The following MYO7A variants were observed in gnomAD, a reference collection of about 807,000 sequenced individuals.
The protein encoded by MYO7A is myosin VIIA, also known as unconventional myosin-VIIa.
In MYO7A, 210 loss-of-function variants were observed where a neutral mutation model predicts 263.8. That is an observed-to-expected ratio of 0.80 (90% CI 0.71 to 0.89). The LOEUF is 0.89. Among genes scored for constraint, MYO7A ranks in the 40% least tolerant of loss-of-function variants. MYO7A has a pLI of 0.00. For missense variants in MYO7A, 2,820 were observed against 2,968.3 expected (o/e 0.95, Z 1.16); for synonymous variants, 1,239 against 1,197.3 (o/e 1.03, Z -0.72).
At chr11:77,159,350 C>T (rs1362185743) in intron 9 of MYO7A, 97 bp from the exon 10 acceptor site, 24 of 1,141,032 alleles carry the variant, frequency 2.1e-5, no homozygotes, top group Admixed American at 1.3e-4. Flanking sequence ...GGCAGGACCC[C>T]GGCAGCAGGA....
At chr11:77,131,383 C>T (rs903077183) in intron 2 of MYO7A, among the ~76,000 whole-genome samples, 15 of 152,186 alleles carry the variant, frequency 9.9e-5, no homozygotes, top group Non-Finnish European at 1.5e-4. Context: ...TGAGGCTGCA[C>T]GGACCAGCAT....
chr11:77,162,590 G>C (rs989796594), intron 13 of MYO7A, among the ~76,000 whole-genome samples: 7 of 152,166 alleles, frequency 4.6e-5, no homozygotes, highest in African/African-American at 1.7e-4. Flanking sequence ...TCTCAGAGTT[G>C]GGGAGGGGGA....
At position 77,192,282 on chromosome 11, in the gene MYO7A, A is replaced by AGT. The variant is rs1485782253; in HGVS notation, c.4152+6_4152+7dup. On this transcript the variant is annotated splice_donor_region_variant and intron_variant, in intron 31 of 48. Coordinates refer to ENST00000409709, the MANE Select transcript of MYO7A (RefSeq NM_000260.4). ...TGGGGAGTACAGGTGTGAGAAGGTGAGTGGGAGGGAATCTTCCGCCAGGCT... is the reference window on the plus strand; with the variant it reads ...TGGGGAGTACAGGTGTGAGAAGGTGAGTGTGGGAGGGAATCTTCCGCCAGGCT... 6.2e-7 allele frequency: 1 copy of AGT among 1,612,722 alleles called. No individual in the cohort carries two copies. Among genetic ancestry groups the AGT allele is most frequent in the Admixed American group, 1.7e-5 (1 of 60,016 alleles).
intron 17 of MYO7A, 127 bp from the exon 18 acceptor site, chr11:77,175,245 C>A: frequency 1.2e-6 from 1 of 845,036 alleles, no homozygotes; most frequent in Non-Finnish European, 1.9e-6. Flanking sequence ...CAGGACCCAG[C>A]TGAGGTCACA....
At chr11:77,162,354 C>T in intron 13 of MYO7A, 24 bp downstream of exon 13, 1 of 1,548,644 alleles carries the variant, frequency 6.5e-7, no homozygotes, top group Non-Finnish European at 8.7e-7. Flanking sequence ...GCTGCCGCCT[C>T]CCAGGGTCTT....
At chr11:77,136,937 G>T (rs1424957849) in intron 2 of MYO7A, among the ~76,000 whole-genome samples, 1 of 152,162 alleles carries the variant, frequency 6.6e-6, no homozygotes, top group African/African-American at 2.4e-5. Flanking sequence ...ACACCAGGCT[G>T]GGAGCTCTGA....
intron 40 of MYO7A, 66 bp from the exon 41 acceptor site, chr11:77,206,029 AGT>A: frequency 7.9e-7 from 1 of 1,266,012 alleles, no homozygotes; most frequent in East Asian, 2.5e-5. Context: ...TCTGCCTCCA[AGT>A]GTCCCGGTCC....
Position 77,180,360 on chromosome 11 carries a change from C to A in MYO7A, c.2587-14C>A. On this transcript the variant is annotated splice_polypyrimidine_tract_variant and intron_variant, in intron 21 of 48. Transcript: ENST00000409709. ...CACACATTTCCATGCCCTCTGGATG[C>A]CCCCTTCCCTCAGTATCTGTGGCGC... 6.2e-7 allele frequency: 1 copy of A among 1,608,270 alleles called. No homozygotes were observed. The highest frequency in any genetic ancestry group is 8.5e-7 in the Non-Finnish European group (1 of 1,177,014).
At chr11:77,148,098 G>GC (rs1319902678) in intron 4 of MYO7A, 148 bp downstream of exon 4, 1 of 742,188 alleles carries the variant, frequency 1.3e-6, no homozygotes, top group Non-Finnish European at 2.0e-6. Flanking sequence ...GGACCCCGGG[G>GC]CCCCTGCTGG....
At chr11:77,140,305 A>G (rs1182481264) in intron 2 of MYO7A, among the ~76,000 whole-genome samples, 1 of 151,518 alleles carries the variant, frequency 6.6e-6, no homozygotes, top group African/African-American at 2.4e-5. Flanking sequence ...GCGGGGGAGG[A>G]CTCTATCAGT....
chr11:77,167,768 C>G (rs535589059), intron 15 of MYO7A, among the ~76,000 whole-genome samples: 31 of 152,300 alleles, frequency 2.0e-4, no homozygotes, highest in Middle Eastern at 6.8e-3. Flanking sequence ...CTGAAACAAT[C>G]CACACACCCC....
intron 2 of MYO7A, among the ~76,000 whole-genome samples, chr11:77,141,129 T>G (rs1201362851): frequency 2.0e-5 from 3 of 152,224 alleles, no homozygotes; most frequent in Non-Finnish European, 4.4e-5. Flanking sequence ...CCTAGGTGTG[T>G]AGTGGGCTGT....
rs782150387 is a variant in MYO7A at position 77,175,417 on chromosome 11, G to A, written c.2140G>A (p.Gly714Ser). The A allele has an allele frequency of 6.2e-6, 10 of 1,613,238 alleles. No individual in the cohort carries two copies. The highest frequency in any genetic ancestry group is 2.2e-5 in the East Asian group (1 of 44,888). Reference protein sequence around the residue: ...TCQRMAEAVLGTHDDWQIGKT... With the variant: ...TCQRMAEAVLSTHDDWQIGKT... ...CCAGCGCATGGCTGAGGCTGTGCTGGGCACCCACGATGACTGGCAGATAGG... is the reference window on the plus strand; with the variant it reads ...CCAGCGCATGGCTGAGGCTGTGCTGAGCACCCACGATGACTGGCAGATAGG... The change falls in exon 18 of 49, where the codon GGC becomes AGC. Residue 714 changes from glycine to serine, a missense_variant. Physicochemically the swap from Gly to Ser is moderately conservative, Grantham distance 56. Coordinates refer to ENST00000409709, the MANE Select transcript of MYO7A (RefSeq NM_000260.4).
chr11:77,192,001 A>G lies in MYO7A; in HGVS notation c.3925-50A>G, dbSNP rs763687662. 4.5e-6 allele frequency: 7 copies of G among 1,538,698 alleles called. No homozygotes were observed. In the South Asian group the frequency reaches 4.7e-5, roughly 10 times the overall value. On this transcript the variant is annotated intron_variant, in intron 30 of 48. Transcript: ENST00000409709. The stretch of plus-strand genomic sequence containing the variant: ...ACCGTTGGCCCCGTTGAGGCTCCTC[A>G]TAGTCCTTCCCTGACTCTGTGCCTG...
intron 2 of MYO7A, among the ~76,000 whole-genome samples, chr11:77,139,805 G>T (rs1951095514): frequency 6.6e-6 from 1 of 152,168 alleles, no homozygotes; most frequent in Non-Finnish European, 1.5e-5. Context: ...CTGTGGCCAG[G>T]TTCCTTTCTC....
chr11:77,164,475 C>G (rs1368014380), intron 14 of MYO7A, among the ~76,000 whole-genome samples: 1 of 152,176 alleles, frequency 6.6e-6, no homozygotes, highest in Admixed American at 6.5e-5. Context: ...TTTCTTACTC[C>G]GTTGCTGAAC....
intron 27 of MYO7A, among the ~76,000 whole-genome samples, chr11:77,185,756 A>C (rs1162016830): frequency 6.6e-6 from 1 of 152,126 alleles, no homozygotes; most frequent in African/African-American, 2.4e-5. Flanking sequence ...TTTTCCATTG[A>C]TTTTGCCCAG....
At chr11:77,164,010 A>G (rs1555070918) in intron 14 of MYO7A, among the ~76,000 whole-genome samples, 1 of 152,146 alleles carries the variant, frequency 6.6e-6, no homozygotes, top group Non-Finnish European at 1.5e-5. Flanking sequence ...CTTACCTGAT[A>G]CAACATAGCC....
intron 2 of MYO7A, among the ~76,000 whole-genome samples, chr11:77,134,447 C>T (rs1950854806): frequency 6.6e-6 from 1 of 152,014 alleles, no homozygotes; most frequent in South Asian, 2.1e-4. Flanking sequence ...TAGTTACAGA[C>T]CAAAAATACA....
Sources: gnomAD v4.1 joint callset for allele counts (sites outside exome capture counted in the v4.1 genomes callset) on GRCh38, gnomAD v4.1.1 for gene constraint, MANE v1.5 for transcripts, NCBI Gene and HGNC (gene_info 2026-07-23, HGNC 2026-07-21) for gene names.